The following KANSL3 variants were observed in gnomAD, a reference collection of about 807,000 sequenced individuals.
The protein encoded by KANSL3 is NSL complex protein NSL3.
A neutral mutation model predicts 89.2 loss-of-function variants in KANSL3; 16 were observed. That is an observed-to-expected ratio of 0.18 (90% CI 0.12 to 0.27). The LOEUF is 0.27. KANSL3 is among the 10% of genes least tolerant of loss of function. The pLI is 1.00. For synonymous variants in KANSL3, 385 were observed against 419.7 expected (o/e 0.92, Z 1.01); for missense variants, 879 against 1,110.6 (o/e 0.79, Z 2.96).
At chr2:96,611,937 G>GTGTGTGTGTGTGTGTGTGTGTGTA (rs1366567105) in intron 9 of KANSL3, among the ~76,000 whole-genome samples, 1 of 150,264 alleles carries the variant, frequency 6.7e-6, no homozygotes, top group African/African-American at 2.5e-5. Flanking sequence ...GTGTGTGTGT[G>GTGTGTGTGTGTGTGTGTGTGTGTA]TATGTGAAAA....
chr2:96,595,630 C>T lies in KANSL3; in HGVS notation c.2618G>A (p.Arg873His), dbSNP rs1209781034. The change falls in exon 21 of 21, where the codon CGC becomes CAC. Residue 873 changes from arginine (R) to histidine (H), a missense_variant and splice_region_variant. Arg to His is a conservative substitution (Grantham distance 29). This residue lies in a region of KANSL3 where 61 missense variants were observed against 61.7 expected (regional missense o/e 0.99). Coordinates refer to ENST00000431828, the MANE Select transcript of KANSL3 (RefSeq NM_001115016.3). The part of the protein sequence containing the change: ...SSQVLPSSSQ[R>H]LPPAP ...GCATCTTCAGGGTGCTGGAGGCAGG[C>T]GCTGTGGCAGGAGAGGTAGTGAAGA... 3 of 1,613,656 alleles carry T rather than the reference C, an allele frequency of 1.9e-6. No individual in the cohort carries two copies. The highest frequency in any genetic ancestry group is 1.7e-5 in the Admixed American group (1 of 59,978).
chr2:96,612,226 A>G (rs1378522961), intron 9 of KANSL3, 56 bp downstream of exon 9: 1 of 1,203,314 alleles, frequency 8.3e-7, no homozygotes, highest in Non-Finnish European at 1.2e-6. Flanking sequence ...AATGGTAGCT[A>G]TGATTAGTGG....
chr2:96,600,796 G>A, intron 20 of KANSL3: 2 of 985,406 alleles, frequency 2.0e-6, no homozygotes, highest in Non-Finnish European at 2.4e-6. Flanking sequence ...GACTTCCTGG[G>A]TGAGACCTAT....
At chr2:96,632,113 G>T (rs1338982616) in intron 2 of KANSL3, among the ~76,000 whole-genome samples, 1 of 152,040 alleles carries the variant, frequency 6.6e-6, no homozygotes, top group Non-Finnish European at 1.5e-5. Context: ...CCAGCACTTG[G>T]GAGGCTGAAG....
chr2:96,584,996 T>C, the KANSL3 span, among the ~76,000 whole-genome samples: 3 of 152,252 alleles, frequency 2.0e-5, no homozygotes, highest in African/African-American at 7.2e-5. Flanking sequence ...CTCACATTAG[T>C]CTGATTCTGG....
chr2:96,591,040 T>C (rs749880198), downstream of KANSL3, among the ~76,000 whole-genome samples: 1 of 152,088 alleles, frequency 6.6e-6, no homozygotes, highest in Admixed American at 6.5e-5. Context: ...CTGCACACAA[T>C]TGCCACAGTA....
chr2:96,607,993 G>A (rs913486313), intron 14 of KANSL3, among the ~76,000 whole-genome samples: 6 of 152,094 alleles, frequency 3.9e-5, no homozygotes, highest in Non-Finnish European at 5.9e-5. Flanking sequence ...CATAGCACTC[G>A]CAGCTCACCA....
chr2:96,619,595 A>T, intron 4 of KANSL3, 51 bp from the exon 5 acceptor site: 2 of 1,608,526 alleles, frequency 1.2e-6, no homozygotes, highest in Non-Finnish European at 1.7e-6. Context: ...CTGGTTAACA[A>T]GCAGGGGGAC....
chr2:96,589,762 T>C (rs2066260776), downstream of KANSL3, among the ~76,000 whole-genome samples: 1 of 152,040 alleles, frequency 6.6e-6, no homozygotes, highest in Admixed American at 6.6e-5. Context: ...ACAGAATACA[T>C]ACCAAGATAG....
At chr2:96,637,810 A>G (rs1367443749) in intron 1 of KANSL3, 2 of 152,262 alleles carry the variant, frequency 1.3e-5, no homozygotes, top group Non-Finnish European at 2.9e-5. Context: ...CTGTGACAAA[A>G]TGATCCCCGT....
At chr2:96,581,691 C>CTCACTTT in the KANSL3 span, among the ~76,000 whole-genome samples, 3 of 152,134 alleles carry the variant, frequency 2.0e-5, no homozygotes, top group African/African-American at 7.2e-5. Context: ...CTTAACCACC[C>CTCACTTT]TCACTTTCTA....
At chr2:96,592,817 C>T (rs1401812852), downstream of KANSL3, among the ~76,000 whole-genome samples, 4 of 152,124 alleles carry the variant, frequency 2.6e-5, no homozygotes, top group African/African-American at 9.7e-5. Flanking sequence ...GCTTGGCCAA[C>T]ATAGTGGAAC....
At chr2:96,601,857 T>TC in intron 19 of KANSL3, 81 bp from the exon 20 acceptor site, 1 of 1,467,272 alleles carries the variant, frequency 6.8e-7, no homozygotes, top group Non-Finnish European at 9.0e-7. Context: ...GGAGAGCTTC[T>TC]CCCCCACATA....
chr2:96,616,893 T>TA (rs2070246772), intron 5 of KANSL3, among the ~76,000 whole-genome samples: 1 of 152,110 alleles, frequency 6.6e-6, no homozygotes, highest in Non-Finnish European at 1.5e-5. Flanking sequence ...GTCAGTAACT[T>TA]AAATAGGGCA....
At chr2:96,620,473 A>G (rs1377533023) in intron 3 of KANSL3, among the ~76,000 whole-genome samples, 1 of 152,062 alleles carries the variant, frequency 6.6e-6, no homozygotes, top group Non-Finnish European at 1.5e-5. Context: ...TTGCTTACCT[A>G]TTACTTACTG....
chr2:96,628,247 T>C (rs2072755963), intron 3 of KANSL3: 5 of 984,976 alleles, frequency 5.1e-6, no homozygotes, highest in African/African-American at 3.5e-5. Flanking sequence ...TCCACTCATC[T>C]ATTCACTTCT....
rs115208277 is a variant in KANSL3 at position 96,606,785 on chromosome 2, T to C, written c.1742-1274A>G. 484 of 292,616 alleles carry C rather than the reference T, an allele frequency of 1.7e-3. 2 individuals carry two copies. The highest frequency in any genetic ancestry group is 3.8e-3 in the Middle Eastern group (4 of 1,044). 18.1% of individuals were successfully genotyped at this position (292,616 alleles called of 1,614,324 possible). ...ACACCATGAGAAGCAAACAAAAGAA[T>C]GGAAAAAGGGCAAAGACTACAGAGT... On this transcript the variant is annotated intron_variant, in intron 14 of 20. Transcript: ENST00000431828.
chr2:96,591,203 T>G (rs997150720), downstream of KANSL3, among the ~76,000 whole-genome samples: 2 of 152,216 alleles, frequency 1.3e-5, no homozygotes, highest in African/African-American at 4.8e-5. Flanking sequence ...AACTTGGATG[T>G]GTATCAAGGA....
At chr2:96,581,874 A>T in the KANSL3 span, among the ~76,000 whole-genome samples, 1 of 152,222 alleles carries the variant, frequency 6.6e-6, no homozygotes, top group Admixed American at 6.5e-5. Context: ...CTGAGGCTCA[A>T]GGTTAACTGA....
Sources: allele counts gnomAD v4.1 joint callset (sites outside exome capture counted in the v4.1 genomes callset), GRCh38; gene constraint gnomAD v4.1.1; regional missense constraint gnomAD v4.1.1; transcripts MANE v1.5; gene names NCBI Gene and HGNC (gene_info 2026-07-23, HGNC 2026-07-21).